Variants in NBEA observed in about 807,000 individuals in gnomAD.
NBEA encodes neurobeachin, also known as lysosomal-trafficking regulator 2.
In NBEA, 44 loss-of-function variants were observed where a neutral mutation model predicts 343.4. The observed-to-expected ratio is 0.13, with a 90% CI of 0.10 to 0.16. The LOEUF is 0.16. NBEA is among the 10% of genes least tolerant of loss of function. The pLI is 1.00. For synonymous variants in NBEA, 1,175 were observed against 1,238.7 expected, an observed-to-expected ratio of 0.95 and a Z score of 1.08; for missense variants, 2,555 against 3,631.3, an observed-to-expected ratio of 0.70 and a Z score of 7.62.
chr13:34,995,285 T>C (rs1593401880), intron 1 of NBEA, among the ~76,000 whole-genome samples: 2 of 152,214 alleles, frequency 1.3e-5, no homozygotes, highest in South Asian at 4.1e-4. Context: ...AAACCCCATC[T>C]GTATGAATAA....
At chr13:35,119,779 C>A (rs1176549793) in intron 16 of NBEA, among the ~76,000 whole-genome samples, 3 of 151,992 alleles carry the variant, frequency 2.0e-5, no homozygotes, top group African/African-American at 7.2e-5. Flanking sequence ...TTAGTAGAGA[C>A]GGGGTTTCAC....
At chr13:35,473,834 C>A (rs934925617) in intron 41 of NBEA, among the ~76,000 whole-genome samples, 1 of 152,096 alleles carries the variant, frequency 6.6e-6, no homozygotes, top group African/African-American at 2.4e-5. Context: ...ACATAATTTT[C>A]GAAGTTTCAT....
At chr13:35,488,338 C>G (rs2076377453) in intron 41 of NBEA, among the ~76,000 whole-genome samples, 1 of 151,818 alleles carries the variant, frequency 6.6e-6, no homozygotes, top group Admixed American at 6.6e-5. Flanking sequence ...ACTCCACAGC[C>G]TTCGTATAGT....
chr13:35,646,356 A>G lies in NBEA; in HGVS notation c.7770+8A>G. On this transcript the variant is annotated splice_region_variant and intron_variant, in intron 51 of 58. Transcript: ENST00000379939. ...AGCTCTGCCATGCACCTGGTAAGAC[A>G]TATCAGCATGTTGAGATTTTTTTTT... 6.2e-7 allele frequency: 1 copy of G among 1,605,994 alleles called. No individual in the cohort carries two copies.
chr13:35,314,407 C>A (rs1050527930), intron 36 of NBEA, among the ~76,000 whole-genome samples: 1 of 152,068 alleles, frequency 6.6e-6, no homozygotes, highest in Non-Finnish European at 1.5e-5. Flanking sequence ...ACATTGACTT[C>A]TCTTACTTTA....
chr13:35,466,886 A>T (rs1566174731), intron 40 of NBEA, among the ~76,000 whole-genome samples: 1 of 151,676 alleles, frequency 6.6e-6, no homozygotes, highest in African/African-American at 2.4e-5. Context: ...TGCTACTATG[A>T]TTTTTTTTTA....
At chr13:35,135,452 T>C (rs2067662787) in intron 17 of NBEA, among the ~76,000 whole-genome samples, 1 of 151,972 alleles carries the variant, frequency 6.6e-6, no homozygotes, top group African/African-American at 2.4e-5. Flanking sequence ...TGAAAACCAT[T>C]AAAAATTAAA....
At chr13:35,140,112 A>G (rs1217061498) in intron 17 of NBEA, among the ~76,000 whole-genome samples, 1 of 152,004 alleles carries the variant, frequency 6.6e-6, no homozygotes, top group Non-Finnish European at 1.5e-5. Context: ...GATCTCCAGG[A>G]ATCAAGTCAT....
At chr13:35,474,954 A>G in intron 41 of NBEA, 2 of 1,226,786 alleles carry the variant, frequency 1.6e-6, no homozygotes, top group Non-Finnish European at 2.3e-6. Flanking sequence ...TTAAAGGAAG[A>G]GATTGTTTGC....
At chr13:35,349,808 A>G (rs1285309095) in intron 37 of NBEA, among the ~76,000 whole-genome samples, 1 of 152,088 alleles carries the variant, frequency 6.6e-6, no homozygotes, top group Non-Finnish European at 1.5e-5. Context: ...CCACAATTCT[A>G]GTTTTGATGA....
intron 33 of NBEA, among the ~76,000 whole-genome samples, chr13:35,212,787 T>C (rs1352884507): frequency 6.6e-6 from 1 of 152,114 alleles, no homozygotes; most frequent in Non-Finnish European, 1.5e-5. Context: ...ATAAATGAGG[T>C]TGAATACTTT....
At chr13:35,169,361 A>G (rs2152720849) in intron 25 of NBEA, among the ~76,000 whole-genome samples, 1 of 151,622 alleles carries the variant, frequency 6.6e-6, no homozygotes, top group Non-Finnish European at 1.5e-5. Flanking sequence ...TTTGATGCTT[A>G]CATACTTCAT....
intron 17 of NBEA, among the ~76,000 whole-genome samples, chr13:35,138,020 T>A (rs1403739083): frequency 6.6e-6 from 1 of 151,994 alleles, no homozygotes; most frequent in Admixed American, 6.6e-5. Flanking sequence ...TTATTAGGAA[T>A]CTCATAATTA....
chr13:35,361,343 G>A (rs2040795478), intron 38 of NBEA, among the ~76,000 whole-genome samples: 1 of 151,980 alleles, frequency 6.6e-6, no homozygotes, highest in Non-Finnish European at 1.5e-5. Flanking sequence ...CAGATAGAAG[G>A]GGAACAAAAA....
intron 1 of NBEA, among the ~76,000 whole-genome samples, chr13:35,002,226 CTG>C (rs1046231471): frequency 1.1e-4 from 17 of 152,218 alleles, no homozygotes; most frequent in African/African-American, 4.1e-4. Context: ...TACAAGGAGA[CTG>C]TGGAAAGGTC....
At chr13:35,187,004 GTTTAAAC>G (rs1275361532) in intron 30 of NBEA, among the ~76,000 whole-genome samples, 1 of 151,930 alleles carries the variant, frequency 6.6e-6, no homozygotes, top group Admixed American at 6.6e-5. Context: ...AGTTTTAAAA[GTTTAAAC>G]TTTAACTTAA....
intron 1 of NBEA, among the ~76,000 whole-genome samples, chr13:34,946,405 G>A (rs2059185049): frequency 6.6e-6 from 1 of 151,992 alleles, no homozygotes; most frequent in South Asian, 2.1e-4. Context: ...TGTTATTGTT[G>A]CTTATAACAT....
intron 26 of NBEA, among the ~76,000 whole-genome samples, chr13:35,173,049 T>A (rs898706083): frequency 2.0e-5 from 3 of 152,104 alleles, no homozygotes; most frequent in African/African-American, 7.2e-5. Flanking sequence ...TTGTGCTCAG[T>A]AGAGTCGACA....
chr13:34,977,091 C>CCG (rs2060204857), intron 1 of NBEA, among the ~76,000 whole-genome samples: 1 of 151,746 alleles, frequency 6.6e-6, no homozygotes, highest in South Asian at 2.1e-4. Flanking sequence ...CAGGCGTGCA[C>CCG]CATCACGGCC....
Sources: allele counts gnomAD v4.1 joint callset (sites outside exome capture counted in the v4.1 genomes callset), GRCh38; gene constraint gnomAD v4.1.1; transcripts MANE v1.5; gene names NCBI Gene and HGNC (gene_info 2026-07-23, HGNC 2026-07-21).